The following LAMA2 variants were observed in gnomAD, a reference collection of about 807,000 sequenced individuals.
The protein encoded by LAMA2 is laminin subunit alpha 2.
Under a neutral mutation model 364.8 loss-of-function variants are expected in LAMA2, and 269 were observed. The observed-to-expected ratio is 0.74, with a 90% confidence interval of 0.67 to 0.82. The LOEUF (loss-of-function observed/expected upper bound fraction) is 0.82. LAMA2 is among the 40% of genes least tolerant of loss of function. LAMA2 has a pLI of 0.00. For missense variants in LAMA2, 3,807 were observed against 3,873.2 expected, an observed-to-expected ratio of 0.98 and a Z score of 0.45; for synonymous variants, 1,379 against 1,370.6, an observed-to-expected ratio of 1.01 and a Z score of -0.14.
chr6:129,431,626 A>G (rs1781601316), intron 41 of LAMA2, among the ~76,000 whole-genome samples: 1 of 141,570 alleles, frequency 7.1e-6, no homozygotes, highest in Non-Finnish European at 1.5e-5. Flanking sequence ...GACTCTTCAT[A>G]AACTTCATAA....
chr6:129,186,665 C>T (rs993973634), intron 10 of LAMA2, among the ~76,000 whole-genome samples: 8 of 151,426 alleles, frequency 5.3e-5, no homozygotes, highest in Non-Finnish European at 8.9e-5. Context: ...TTTTTTTCTT[C>T]GGGGCATAGT....
Position 129,443,071 on chromosome 6 carries a change from A to G in LAMA2, c.6274+3A>G, listed in dbSNP as rs763351685. ...TGTGAAATTGCCTGCAGAAATCAGT[A>G]CGTATATGTTTACTTATATACCTTT... On this transcript the variant is annotated splice_donor_region_variant and intron_variant, in intron 44 of 64. Coordinates refer to ENST00000421865, the MANE Select transcript of LAMA2 (RefSeq NM_000426.4). 2 of 1,594,798 alleles carry G rather than the reference A, an allele frequency of 1.3e-6. No individual in the cohort carries two copies. The highest frequency in any genetic ancestry group is 1.7e-6 in the Non-Finnish European group (2 of 1,166,872).
chr6:129,330,566 T>C (rs542181858), intron 29 of LAMA2, among the ~76,000 whole-genome samples: 23 of 151,018 alleles, frequency 1.5e-4, no homozygotes, highest in Admixed American at 1.3e-3. Flanking sequence ...TGGTCTCCAT[T>C]TGAAGCGTTT....
chr6:129,353,055 A>G (rs1411734715), intron 31 of LAMA2, 109 bp from the exon 32 acceptor site: 3 of 749,030 alleles, frequency 4.0e-6, no homozygotes, highest in African/African-American at 3.5e-5. Flanking sequence ...TAACTAATGT[A>G]TGGACTCTTG....
At chr6:129,030,151 G>T (rs138758523) in intron 1 of LAMA2, among the ~76,000 whole-genome samples, 64 of 152,130 alleles carry the variant, frequency 4.2e-4, no homozygotes, top group African/African-American at 1.5e-3. Flanking sequence ...CCCTCTGGGC[G>T]TGGCCTCTAG....
intron 1 of LAMA2, among the ~76,000 whole-genome samples, chr6:128,926,717 C>T (rs1779122738): frequency 6.6e-6 from 1 of 152,158 alleles, no homozygotes; most frequent in East Asian, 1.9e-4. Context: ...GAGATAAATT[C>T]AGGAAATCTG....
chr6:129,510,035 A>T (rs1163384225), intron 62 of LAMA2, among the ~76,000 whole-genome samples: 5 of 151,892 alleles, frequency 3.3e-5, no homozygotes, highest in Non-Finnish European at 7.4e-5. Flanking sequence ...TATAGTTTTT[A>T]TTGTACTTTC....
At chr6:129,460,530 C>T (rs992077051) in intron 49 of LAMA2, among the ~76,000 whole-genome samples, 2 of 152,102 alleles carry the variant, frequency 1.3e-5, no homozygotes, top group Non-Finnish European at 1.5e-5. Context: ...GGGAGGTATA[C>T]TAGCAGTACA....
At chr6:129,298,655 A>G (rs1214928147) in intron 21 of LAMA2, among the ~76,000 whole-genome samples, 1 of 152,214 alleles carries the variant, frequency 6.6e-6, no homozygotes, top group African/African-American at 2.4e-5. Context: ...TACTCTCAGC[A>G]CCATGGTAAG....
In LAMA2 at chr6:129,195,880, A is replaced by G. The variant is rs546386270; in HGVS notation, c.1782+3027A>G. On this transcript the variant is annotated intron_variant, in intron 12 of 64. Transcript: ENST00000421865. ...TTACTGCCCTAGTAAACTAAGTGCT[A>G]CTGGAACATTGCAACAGTCATTTGC... Among the ~76,000 whole-genome samples the G allele has an allele frequency of 1.7e-4, 26 of 152,330 alleles. No homozygotes were observed. The South Asian group carries it at 5.2e-3, about 30-fold the overall frequency.
intron 34 of LAMA2, among the ~76,000 whole-genome samples, chr6:129,371,363 G>T (rs1366398123): frequency 6.6e-6 from 1 of 151,862 alleles, no homozygotes; most frequent in Non-Finnish European, 1.5e-5. Context: ...AATAAAGTCG[G>T]AAGAAATTCT....
At chr6:129,488,309 C>T (rs570022776) in intron 56 of LAMA2, among the ~76,000 whole-genome samples, 34 of 151,878 alleles carry the variant, frequency 2.2e-4, no homozygotes, top group South Asian at 4.2e-4. Context: ...GACTCCAACT[C>T]GGAAAAAACA....
chr6:129,120,614 A>T (rs1776751119), intron 4 of LAMA2, among the ~76,000 whole-genome samples: 1 of 152,222 alleles, frequency 6.6e-6, no homozygotes. Flanking sequence ...TATTTATATG[A>T]CCTTAAAAGT....
At chr6:129,248,258 C>T (rs1337727587) in intron 12 of LAMA2, among the ~76,000 whole-genome samples, 3 of 152,172 alleles carry the variant, frequency 2.0e-5, no homozygotes, top group African/African-American at 7.2e-5. Context: ...AAATTGTCTT[C>T]CACGAAACCC....
At chr6:129,404,735 T>C (rs1048444724) in intron 40 of LAMA2, among the ~76,000 whole-genome samples, 1 of 152,090 alleles carries the variant, frequency 6.6e-6, no homozygotes, top group African/African-American at 2.4e-5. Context: ...ACATGAGAAT[T>C]TTTTGGGGGA....
At chr6:129,181,755 A>G (rs1159859873) in intron 10 of LAMA2, among the ~76,000 whole-genome samples, 1 of 151,898 alleles carries the variant, frequency 6.6e-6, no homozygotes, top group African/African-American at 2.4e-5. Flanking sequence ...AGAAGAGATT[A>G]GAAGAAGTTG....
chr6:129,182,962 AGAG>A (rs1781017199), intron 10 of LAMA2, among the ~76,000 whole-genome samples: 2 of 152,070 alleles, frequency 1.3e-5, no homozygotes, highest in Admixed American at 6.6e-5. Flanking sequence ...AGATTTAAAA[AGAG>A]GAGAATGAAA....
intron 20 of LAMA2, 149 bp downstream of exon 20, chr6:129,291,869 T>A (rs990807773): frequency 1.9e-5 from 13 of 678,752 alleles, no homozygotes; most frequent in Non-Finnish European, 2.6e-5. Context: ...CAGTGAAAAG[T>A]TTTTTTCAAA....
At chr6:129,102,487 T>C (rs1775575935) in intron 4 of LAMA2, among the ~76,000 whole-genome samples, 1 of 152,018 alleles carries the variant, frequency 6.6e-6, no homozygotes, top group South Asian at 2.1e-4. Context: ...AATTTTATAT[T>C]TATAGTAAAA....
Sources: allele counts gnomAD v4.1 joint callset (sites outside exome capture counted in the v4.1 genomes callset), GRCh38; gene constraint gnomAD v4.1.1; transcripts MANE v1.5; gene names NCBI Gene and HGNC (gene_info 2026-07-23, HGNC 2026-07-21).